The following RCAN2 variants were observed in gnomAD, a reference collection of about 807,000 sequenced individuals.
RCAN2 encodes regulator of calcineurin 2.
A neutral mutation model predicts 23.6 loss-of-function variants in RCAN2; 9 were observed. The observed-to-expected ratio is 0.38, with a 90% CI of 0.23 to 0.67. RCAN2 has a LOEUF of 0.67. RCAN2 is among the 30% of genes least tolerant of loss of function. The pLI, the probability that RCAN2 is intolerant of heterozygous loss-of-function variation, is 0.51. For synonymous variants in RCAN2, 109 were observed against 115.7 expected (o/e 0.94, Z 0.37); for missense variants, 273 against 302.3 (o/e 0.90, Z 0.72).
At chr6:46,480,607 C>A (rs1768834038) in intron 1 of RCAN2, among the ~76,000 whole-genome samples, 1 of 150,966 alleles carries the variant, frequency 6.6e-6, no homozygotes, top group Admixed American at 6.6e-5. Flanking sequence ...TGAAACTAGA[C>A]AAACTTATCA....
intron 1 of RCAN2, among the ~76,000 whole-genome samples, chr6:46,489,144 T>G (rs940033478): frequency 6.6e-6 from 1 of 152,202 alleles, no homozygotes; most frequent in African/African-American, 2.4e-5. Flanking sequence ...GTGTATGCTG[T>G]TCCTTCAGTG....
chr6:46,436,536 T>C (rs1339859333), intron 2 of RCAN2, among the ~76,000 whole-genome samples: 1 of 152,172 alleles, frequency 6.6e-6, no homozygotes, highest in Non-Finnish European at 1.5e-5. Flanking sequence ...GAGTTTTAAA[T>C]GATGCAAGAT....
At chr6:46,451,968 T>C (rs1218729513) in intron 2 of RCAN2, among the ~76,000 whole-genome samples, 1 of 152,178 alleles carries the variant, frequency 6.6e-6, no homozygotes, top group African/African-American at 2.4e-5. Flanking sequence ...ATGAATGTAG[T>C]TGAAAATATG....
At chr6:46,319,602 C>T (rs1763545744) in intron 2 of RCAN2, among the ~76,000 whole-genome samples, 1 of 152,164 alleles carries the variant, frequency 6.6e-6, no homozygotes, top group Non-Finnish European at 1.5e-5. Context: ...TGCCTCTGAA[C>T]CTTCTCAGGG....
chr6:46,305,105 T>C (rs1763021049), intron 2 of RCAN2, among the ~76,000 whole-genome samples: 1 of 152,130 alleles, frequency 6.6e-6, no homozygotes, highest in African/African-American at 2.4e-5. Flanking sequence ...TCATGCAGTT[T>C]GCAACCTGAG....
chr6:46,398,294 T>C (rs1265335323), intron 2 of RCAN2, among the ~76,000 whole-genome samples: 1 of 152,230 alleles, frequency 6.6e-6, no homozygotes, highest in Admixed American at 6.5e-5. Context: ...GAATATGTAT[T>C]ATGTTTGTAA....
rs141257431 is a variant in RCAN2 at position 46,466,463 on chromosome 6, G to A, written c.-2-9485C>T. ...TGGACAGGACTCACTAGAAGTCCAA[G>A]GAGGCAGGTCACACTCCCTTCCACA... On this transcript the variant is annotated intron_variant, in intron 1 of 4. Coordinates refer to ENST00000371374, the MANE Select transcript of RCAN2 (RefSeq NM_001251974.2). Among the ~76,000 whole-genome samples the A allele has an allele frequency of 1.3e-3, 197 of 152,256 alleles. 5 individuals carry two copies. The South Asian group carries it at 0.03, about 23-fold the overall frequency.
intron 2 of RCAN2, among the ~76,000 whole-genome samples, chr6:46,297,861 G>A (rs1561847867): frequency 1.3e-5 from 2 of 152,142 alleles, no homozygotes; most frequent in South Asian, 4.2e-4. Flanking sequence ...ATTCTTTAAG[G>A]CCCAAACGTT....
rs528511357 is a variant in RCAN2, at chr6:46,423,156, G to A, written c.225+33596C>T. Among the ~76,000 whole-genome samples the A allele has an allele frequency of 1.3e-4, 20 of 152,258 alleles. No individual in the cohort carries two copies. The East Asian group carries it at 2.3e-3, about 18-fold the overall frequency. On this transcript the variant is annotated intron_variant, in intron 2 of 4. Transcript: ENST00000371374. Reference sequence around the variant, plus strand: ...TGGATTCCTAATTTTATTCCAGGAAGTCCTAGTATTTGTGGATTGTTTAGG... The same window carrying A: ...TGGATTCCTAATTTTATTCCAGGAAATCCTAGTATTTGTGGATTGTTTAGG...
chr6:46,480,864 C>T (rs1398788024), intron 1 of RCAN2, among the ~76,000 whole-genome samples: 14 of 152,136 alleles, frequency 9.2e-5, no homozygotes, highest in African/African-American at 3.1e-4. Context: ...CCTCGTGATA[C>T]GCCCGCCTCG....
At chr6:46,466,690 C>T (rs1768396425) in intron 1 of RCAN2, among the ~76,000 whole-genome samples, 2 of 152,108 alleles carry the variant, frequency 1.3e-5, no homozygotes, top group Admixed American at 6.5e-5. Context: ...CTCTTCAGCC[C>T]AGCAAACCAG....
At chr6:46,317,968 C>T (rs1241370253) in intron 2 of RCAN2, among the ~76,000 whole-genome samples, 2 of 152,072 alleles carry the variant, frequency 1.3e-5, no homozygotes, top group African/African-American at 4.8e-5. Flanking sequence ...ATATGAAGTA[C>T]CTGTTATATG....
chr6:46,311,652 TGC>T (rs1020467010), intron 2 of RCAN2, among the ~76,000 whole-genome samples: 4 of 152,222 alleles, frequency 2.6e-5, no homozygotes, highest in Non-Finnish European at 4.4e-5. Flanking sequence ...GCCTTGTACC[TGC>T]CATGCCTTTG....
intron 2 of RCAN2, among the ~76,000 whole-genome samples, chr6:46,453,483 G>A (rs894235013): frequency 2.0e-5 from 3 of 152,194 alleles, no homozygotes; most frequent in Non-Finnish European, 4.4e-5. Flanking sequence ...GAACATTACG[G>A]ACAACACAAA....
intron 2 of RCAN2, among the ~76,000 whole-genome samples, chr6:46,322,968 T>A (rs375421135): frequency 6.6e-6 from 1 of 152,236 alleles, no homozygotes; most frequent in East Asian, 1.9e-4. Context: ...TCCCCCTTTT[T>A]AATAAGCACA....
chr6:46,263,008 T>C (rs953712905), intron 2 of RCAN2, among the ~76,000 whole-genome samples: 2 of 152,222 alleles, frequency 1.3e-5, no homozygotes, highest in Non-Finnish European at 2.9e-5. Context: ...TGAGGGCAAA[T>C]GTGCCATCAT....
In RCAN2 at chr6:46,355,131, T is replaced by A. The variant is rs150774717; in HGVS notation, c.225+101621A>T. 6.7e-3 allele frequency among the ~76,000 whole-genome samples: 1,019 copies of A among 152,312 alleles called. 3 individuals carry two copies. Among genetic ancestry groups the A allele is most frequent in the Non-Finnish European group, 0.011 (732 of 68,026 alleles). On this transcript the variant is annotated intron_variant, in intron 2 of 4. Transcript: ENST00000371374. Reference sequence around the variant, plus strand: ...GACTGGTAGAACTGGCATGGTAATATAATTACTGTCTTTTTAATACCCCCC... The same window carrying A: ...GACTGGTAGAACTGGCATGGTAATAAAATTACTGTCTTTTTAATACCCCCC...
intron 2 of RCAN2, among the ~76,000 whole-genome samples, chr6:46,430,928 A>G (rs1302696871): frequency 6.6e-6 from 1 of 152,236 alleles, no homozygotes; most frequent in Non-Finnish European, 1.5e-5. Context: ...ACTTTTGCGT[A>G]GAGAACCCCA....
chr6:46,347,844 C>T (rs1318563082), intron 2 of RCAN2, among the ~76,000 whole-genome samples: 3 of 152,174 alleles, frequency 2.0e-5, no homozygotes, highest in African/African-American at 7.2e-5. Context: ...TTCTCACATC[C>T]GGTATTTGGG....
Sources: allele counts gnomAD v4.1 joint callset (sites outside exome capture counted in the v4.1 genomes callset), GRCh38; gene constraint gnomAD v4.1.1; transcripts MANE v1.5; gene names NCBI Gene and HGNC (gene_info 2026-07-23, HGNC 2026-07-21).